Variants in CTTNBP2 observed in about 807,000 individuals in gnomAD.
CTTNBP2 encodes cortactin binding protein 2.
Under a neutral mutation model 156.9 loss-of-function variants are expected in CTTNBP2, and 108 were observed. The ratio of observed to expected loss-of-function variants is 0.69; its 90% CI spans 0.59 to 0.81. The LOEUF (loss-of-function observed/expected upper bound fraction) is 0.81, where lower values mean the gene tolerates loss of function less well. Ranked by LOEUF, CTTNBP2 falls within the 30% of genes least tolerant of loss-of-function variation. The pLI is 0.00. For missense variants in CTTNBP2, 1,924 were observed against 2,035.4 expected (o/e 0.95, Z 1.05); for synonymous variants, 767 against 751.8 (o/e 1.02, Z -0.33).
chr7:117,763,180 G>A (rs1346092309), intron 9 of CTTNBP2, among the ~76,000 whole-genome samples: 1 of 152,078 alleles, frequency 6.6e-6, no homozygotes, highest in Non-Finnish European at 1.5e-5. Flanking sequence ...ATAAGCTTCA[G>A]GATGAGAACA....
At chr7:117,727,791 C>T (rs532222205) in intron 17 of CTTNBP2, among the ~76,000 whole-genome samples, 4 of 152,284 alleles carry the variant, frequency 2.6e-5, no homozygotes, top group Admixed American at 2.6e-4. Context: ...GCATACAATA[C>T]TTGATGAAAC....
rs777144199 is a variant in CTTNBP2, at chr7:117,792,083, G to A, written c.1113C>T (p.Pro371=). 1.1e-5 allele frequency: 17 copies of A among 1,614,112 alleles called. No individual in the cohort carries two copies. Among genetic ancestry groups the A allele is most frequent in the East Asian group, 2.2e-5 (1 of 44,878 alleles). ...SYGDLIGASV[P]AFPPPSANKI... ...TGTTTGCACTTGGAGGTGGGAAAGC[G>A]GGTACAGAAGCGCCAATCAAGTCAC... Residue 371 remains proline (P), a synonymous_variant, in exon 4 of 23, where the codon CCC becomes CCT. Transcript: ENST00000160373. The surrounding 1 kb of genome is among the most constrained non-coding windows in gnomAD (Gnocchi z 4.2).
At chr7:117,851,687 T>G (rs948559389) in intron 2 of CTTNBP2, among the ~76,000 whole-genome samples, 16 of 152,262 alleles carry the variant, frequency 1.1e-4, no homozygotes, top group Admixed American at 9.8e-4. Flanking sequence ...CTTCCATTAG[T>G]TGTCCTATCT....
In CTTNBP2 at chr7:117,832,663, G is replaced by A. The variant is rs986373108; in HGVS notation, c.190-21674C>T. 5.4e-5 allele frequency among the ~76,000 whole-genome samples: 8 copies of A among 148,484 alleles called. No homozygotes were observed. In the South Asian group the frequency reaches 1.1e-3, roughly 20 times the overall value. On this transcript the variant is annotated intron_variant, in intron 2 of 22. Transcript: ENST00000160373. ...AGATATCACTGACTAGGGAGAGATC[G>A]TCTTTCCCAGGGAAACCAATTCTTA...
In CTTNBP2 at chr7:117,720,492, G is replaced by A. The variant is rs35297441; in HGVS notation, c.4511+575C>T. Among the ~76,000 whole-genome samples, 825 of 152,134 alleles carry A rather than the reference G, an allele frequency of 5.4e-3. 11 individuals are homozygous for A. Among genetic ancestry groups the A allele is most frequent in the South Asian group, 0.026 (126 of 4,816 alleles). On this transcript the variant is annotated intron_variant, in intron 20 of 22. Transcript: ENST00000160373. ...AGATGGATCACAAGGTCAGGAGTTC[G>A]AAACCAGCCAGGCCAACATGGTGAA...
At chr7:117,851,412 T>C (rs749830112) in intron 2 of CTTNBP2, among the ~76,000 whole-genome samples, 2 of 152,090 alleles carry the variant, frequency 1.3e-5, no homozygotes, top group African/African-American at 2.4e-5. Context: ...ACAAATTACA[T>C]TTAGAGCCAT....
At chr7:117,770,149 T>C (rs185414275) in intron 8 of CTTNBP2, among the ~76,000 whole-genome samples, 2 of 152,334 alleles carry the variant, frequency 1.3e-5, no homozygotes, top group East Asian at 3.9e-4. Flanking sequence ...ACATAACAAA[T>C]GTCACTAATC....
chr7:117,722,528 A>C (rs1794859589), intron 19 of CTTNBP2, among the ~76,000 whole-genome samples: 1 of 152,168 alleles, frequency 6.6e-6, no homozygotes, highest in Non-Finnish European at 1.5e-5. Flanking sequence ...TCTAAAACTA[A>C]AATTATTAAA....
intron 2 of CTTNBP2, among the ~76,000 whole-genome samples, chr7:117,820,193 G>A (rs1323871317): frequency 2.0e-5 from 3 of 152,126 alleles, no homozygotes; most frequent in Admixed American, 6.5e-5. Context: ...CCACTCTCTT[G>A]CCCAGGGTAG....
intron 4 of CTTNBP2, 85 bp downstream of exon 4, chr7:117,791,043 T>A: frequency 2.6e-6 from 3 of 1,145,504 alleles, no homozygotes; most frequent in Non-Finnish European, 2.5e-6. Flanking sequence ...AAAAAAAAAG[T>A]TTCAAGGCAA....
chr7:117,714,217 G>A (rs181109340), intron 22 of CTTNBP2: 1 of 152,296 alleles, frequency 6.6e-6, no homozygotes, highest in African/African-American at 2.4e-5. Flanking sequence ...AAGTTACATT[G>A]CTTGTCATGA....
chr7:117,721,653 T>G (rs947849585), intron 19 of CTTNBP2, among the ~76,000 whole-genome samples: 1 of 152,230 alleles, frequency 6.6e-6, no homozygotes, highest in East Asian at 1.9e-4. Flanking sequence ...AGAGAAAATA[T>G]GAACAGGGTA....
chr7:117,827,563 A>G (rs1250933454), intron 2 of CTTNBP2, among the ~76,000 whole-genome samples: 2 of 152,196 alleles, frequency 1.3e-5, no homozygotes, highest in African/African-American at 4.8e-5. Context: ...GCAAGTGAAA[A>G]CCTTTAAGAG....
At chr7:117,815,815 G>A (rs1800542814) in intron 2 of CTTNBP2, among the ~76,000 whole-genome samples, 1 of 152,130 alleles carries the variant, frequency 6.6e-6, no homozygotes, top group Admixed American at 6.5e-5. Context: ...TGGACAGCAG[G>A]ACACCCAGTT....
chr7:117,830,211 T>G (rs1801517015), intron 2 of CTTNBP2, among the ~76,000 whole-genome samples: 1 of 152,184 alleles, frequency 6.6e-6, no homozygotes, highest in African/African-American at 2.4e-5. Flanking sequence ...AAAAATAGAT[T>G]TTTAAAATAC....
intron 9 of CTTNBP2, among the ~76,000 whole-genome samples, chr7:117,765,124 C>T (rs1469761934): frequency 1.3e-5 from 2 of 152,020 alleles, no homozygotes; most frequent in South Asian, 2.1e-4. Context: ...TTAGTAGAGA[C>T]GGGGTTTCTC....
At position 117,756,144 on chromosome 7, in the gene CTTNBP2, A is replaced by G. The variant is rs1015497364; in HGVS notation, c.3348+411T>C. The stretch of plus-strand genomic sequence containing the variant: ...GCTGTAATTATTTGGTTTCCGTTAA[A>G]GTGGCCAAATTAACCTTCTCACTAA... On this transcript the variant is annotated intron_variant, in intron 12 of 22. Coordinates refer to ENST00000160373, the MANE Select transcript of CTTNBP2 (RefSeq NM_033427.3). Among the ~76,000 whole-genome samples the G allele has an allele frequency of 2.0e-5, 3 of 152,240 alleles. No individual in the cohort carries two copies. The South Asian group carries it at 6.2e-4, about 32-fold the overall frequency.
chr7:117,859,553 A>G (rs1803572099), intron 2 of CTTNBP2, among the ~76,000 whole-genome samples: 1 of 152,230 alleles, frequency 6.6e-6, no homozygotes, highest in Non-Finnish European at 1.5e-5. Context: ...CTATCTCACC[A>G]CAAGAGGCTA....
chr7:117,761,249 G>A (rs932424827), intron 9 of CTTNBP2, among the ~76,000 whole-genome samples: 3 of 152,152 alleles, frequency 2.0e-5, no homozygotes, highest in South Asian at 2.1e-4. Context: ...AATGTATATC[G>A]AGTTGGTGTG....
Sources: gnomAD v4.1 joint callset for allele counts (sites outside exome capture counted in the v4.1 genomes callset) on GRCh38, gnomAD v4.1.1 for gene constraint, Gnocchi (gnomAD v3.1) non-coding constraint, MANE v1.5 for transcripts, NCBI Gene and HGNC (gene_info 2026-07-23, HGNC 2026-07-21) for gene names.